The following CFAP54 variants were observed in gnomAD, a reference collection of about 807,000 sequenced individuals.
The protein encoded by CFAP54 is cilia- and flagella-associated protein 54.
Under a neutral mutation model 370.4 loss-of-function variants are expected in CFAP54, and 290 were observed. The observed-to-expected ratio is 0.78, with a 90% CI of 0.71 to 0.86. The LOEUF (loss-of-function observed/expected upper bound fraction) is 0.86. Ranked by LOEUF, CFAP54 falls within the 40% of genes least tolerant of loss-of-function variation. The pLI is 0.00. For synonymous variants in CFAP54, 1,206 were observed against 1,236.5 expected, an observed-to-expected ratio of 0.98 and a Z score of 0.52; for missense variants, 3,399 against 3,528.7, an observed-to-expected ratio of 0.96 and a Z score of 0.93.
At chr12:96,713,750 C>T (rs939358640) in intron 48 of CFAP54, among the ~76,000 whole-genome samples, 3 of 151,904 alleles carry the variant, frequency 2.0e-5, no homozygotes, top group African/African-American at 7.3e-5. Context: ...ACAGATGATA[C>T]TTGAGCACAG....
chr12:96,793,788 AT>A, intron 63 of CFAP54, among the ~76,000 whole-genome samples: 1 of 151,958 alleles, frequency 6.6e-6, no homozygotes, highest in South Asian at 2.1e-4. Context: ...TGTTGTTTTG[AT>A]TTGTATTTTC....
chr12:96,544,715 A>C (rs1418441743), intron 14 of CFAP54, among the ~76,000 whole-genome samples: 1 of 152,148 alleles, frequency 6.6e-6, no homozygotes, highest in African/African-American at 2.4e-5. Flanking sequence ...TCTGTTACTT[A>C]GAATACCTGA....
At chr12:96,677,203 G>T (rs1035686508) in intron 39 of CFAP54, among the ~76,000 whole-genome samples, 4 of 151,712 alleles carry the variant, frequency 2.6e-5, no homozygotes, top group African/African-American at 7.3e-5. Context: ...TAGAGACAGG[G>T]TCTTGCTTTA....
At chr12:96,817,430 C>CTTTTTTTTT in intron 64 of CFAP54, among the ~76,000 whole-genome samples, 1 of 144,668 alleles carries the variant, frequency 6.9e-6, no homozygotes, top group Non-Finnish European at 1.5e-5. Flanking sequence ...ACCTTTCTTT[C>CTTTTTTTTT]TTTTTTTTTT....
chr12:96,520,472 G>A (rs923342999), intron 6 of CFAP54, among the ~76,000 whole-genome samples: 9 of 151,962 alleles, frequency 5.9e-5, no homozygotes, highest in East Asian at 1.9e-4. Context: ...AGATCGCACC[G>A]TTGCACTCCA....
chr12:96,614,978 A>G (rs1956399524), intron 26 of CFAP54, among the ~76,000 whole-genome samples: 1 of 152,310 alleles, frequency 6.6e-6, no homozygotes, highest in South Asian at 2.1e-4. Context: ...TCAAGCTACC[A>G]ATGACTTTCT....
intron 60 of CFAP54, among the ~76,000 whole-genome samples, chr12:96,777,706 G>A (rs1958533665): frequency 6.6e-6 from 1 of 152,030 alleles, no homozygotes; most frequent in Non-Finnish European, 1.5e-5. Flanking sequence ...ATTCTACTAT[G>A]AGGGCATGGC....
intron 66 of CFAP54, among the ~76,000 whole-genome samples, chr12:96,843,606 C>T (rs1959252217): frequency 6.6e-6 from 1 of 152,174 alleles, no homozygotes; most frequent in East Asian, 1.9e-4. Flanking sequence ...AGTTGGGCGA[C>T]TCTCCTTCAA....
chr12:96,538,516 A>G lies in CFAP54; in HGVS notation c.1924A>G (p.Lys642Glu), dbSNP rs1283703205. The G allele has an allele frequency of 3.3e-6, 5 of 1,535,560 alleles. No individual in the cohort carries two copies. The African/African-American group carries it at 5.5e-5, about 17-fold the overall frequency. Residue 642 changes from lysine to glutamate, a missense_variant and splice_region_variant, in exon 13 of 68, where the codon AAA becomes GAA. Coordinates refer to ENST00000524981, the MANE Select transcript of CFAP54 (RefSeq NM_001306084.2). The part of the protein sequence containing the change: ...AKFTQKISTN[K>E]WIYLLWQINE... ...ATTCACCCAGAAAATCAGTACTAAC[A>G]AAGTATTCCTTTCGCATTCCCTTTC...
intron 63 of CFAP54, among the ~76,000 whole-genome samples, chr12:96,804,293 A>C (rs749392870): frequency 3.3e-5 from 5 of 152,196 alleles, no homozygotes; most frequent in Non-Finnish European, 7.4e-5. Context: ...CACCACAGCT[A>C]TCAGGCAAGA....
chr12:96,667,938 C>T (rs1386249441), intron 39 of CFAP54, among the ~76,000 whole-genome samples: 1 of 152,168 alleles, frequency 6.6e-6, no homozygotes, highest in Non-Finnish European at 1.5e-5. Context: ...GTTCAAAGTT[C>T]CACAGATCTC....
chr12:96,720,119 G>T (rs1402640560), intron 49 of CFAP54, among the ~76,000 whole-genome samples: 1 of 152,182 alleles, frequency 6.6e-6, no homozygotes, highest in Admixed American at 6.5e-5. Context: ...ATCAGTGTTT[G>T]CAAGAACTTT....
At chr12:96,558,458 A>G in intron 17 of CFAP54, among the ~76,000 whole-genome samples, 1 of 152,178 alleles carries the variant, frequency 6.6e-6, no homozygotes, top group East Asian at 1.9e-4. Context: ...ATACAACTTT[A>G]CTGGAGGAAT....
At chr12:96,565,903 G>C (rs185101025) in intron 19 of CFAP54, among the ~76,000 whole-genome samples, 8 of 152,158 alleles carry the variant, frequency 5.3e-5, no homozygotes, top group Non-Finnish European at 1.0e-4. Context: ...TGGGAGGGAC[G>C]AGGTGGAGAT....
chr12:96,767,247 G>A (rs1266418607), intron 60 of CFAP54, among the ~76,000 whole-genome samples: 2 of 152,172 alleles, frequency 1.3e-5, no homozygotes, highest in Non-Finnish European at 2.9e-5. Flanking sequence ...TACCTGAGAA[G>A]AACCTCTGTA....
At chr12:96,750,346 A>T (rs887183882) in intron 55 of CFAP54, among the ~76,000 whole-genome samples, 1 of 152,186 alleles carries the variant, frequency 6.6e-6, no homozygotes, top group Non-Finnish European at 1.5e-5. Context: ...TTAGATTGGG[A>T]AAGGGAGGGC....
In CFAP54 at chr12:96,616,274, A is replaced by G. The variant is rs577830713; in HGVS notation, c.3640-5316A>G. 3.9e-5 allele frequency among the ~76,000 whole-genome samples: 6 copies of G among 152,274 alleles called. No homozygotes were observed. In the South Asian group the frequency reaches 1.2e-3, roughly 32 times the overall value. ...AACTATCCCAAAGACAAAAAACCAA[A>G]CACCACATATTCTCACTCATAGGTG... On this transcript the variant is annotated intron_variant, in intron 26 of 67. Coordinates refer to ENST00000524981, the MANE Select transcript of CFAP54 (RefSeq NM_001306084.2).
At chr12:96,732,877 T>C (rs1200351355) in intron 50 of CFAP54, among the ~76,000 whole-genome samples, 3 of 152,036 alleles carry the variant, frequency 2.0e-5, no homozygotes, top group Non-Finnish European at 4.4e-5. Context: ...TTTTCCAAAC[T>C]ATGTGTCAGA....
At chr12:96,649,473 A>G (rs908865523) in intron 34 of CFAP54, among the ~76,000 whole-genome samples, 4 of 152,172 alleles carry the variant, frequency 2.6e-5, no homozygotes, top group Non-Finnish European at 4.4e-5. Flanking sequence ...CAGGAGGGGA[A>G]TGCGTGGCCG....
Sources: allele counts gnomAD v4.1 joint callset (sites outside exome capture counted in the v4.1 genomes callset), GRCh38; gene constraint gnomAD v4.1.1; transcripts MANE v1.5; gene names NCBI Gene and HGNC (gene_info 2026-07-23, HGNC 2026-07-21).